The following HLA-B variants were observed in gnomAD, a reference collection of about 807,000 sequenced individuals.
HLA-B encodes major histocompatibility complex, class I, B.
In HLA-B, 31 loss-of-function variants were observed where a neutral mutation model predicts 41.5. The observed-to-expected ratio is 0.75, with a 90% CI of 0.56 to 1.01. The LOEUF is 1.01. Ranked by LOEUF, HLA-B falls within the 50% of genes least tolerant of loss-of-function variation. The pLI, the probability that HLA-B is intolerant of heterozygous loss-of-function variation, is 0.00. For synonymous variants in HLA-B, 138 were observed against 189.0 expected (o/e 0.73, Z 2.21); for missense variants, 369 against 457.2 (o/e 0.81, Z 1.76).
At position 31,354,647 on chromosome 6, in the gene HLA-B, T is replaced by C. The variant is rs369811584; in HGVS notation, c.1031A>G (p.Tyr344Cys). ...RKSSGGKGGS[Y>C]SQAACSDSAQ... ...CCACCACTTACACGCAGCCTGAGAG[T>C]AGCTCCCTCCTTTTCCACCTGTGGG... Residue 344 changes from tyrosine to cysteine, a missense_variant, in exon 6 of 8, where the codon TAC (tyrosine) becomes TGC (cysteine). By Grantham distance (194) the Tyr-to-Cys change is radical (BLOSUM62 -2). Coordinates refer to ENST00000412585, the MANE Select transcript of HLA-B (RefSeq NM_005514.8). 5.3e-5 allele frequency: 74 copies of C among 1,383,414 alleles called. No homozygotes were observed. Among genetic ancestry groups the C allele is most frequent in the South Asian group, 1.1e-4 (9 of 84,636 alleles). 85.7% of individuals were successfully genotyped at this position (1,383,414 alleles called of 1,614,324 possible). A position where few individuals can be genotyped will look rare whatever the true frequency, so the allele number is the denominator to read the frequency against.
In HLA-B at chr6:31,354,619, C is replaced by G. The variant is rs769456945; in HGVS notation, c.1045+14G>C. The G allele has an allele frequency of 5.5e-5, 79 of 1,425,912 alleles. 2 individuals are homozygous for G. Among genetic ancestry groups the G allele is most frequent in the Non-Finnish European group, 7.1e-5 (76 of 1,073,676 alleles). The allele number at this position is 1,425,912 out of a possible 1,614,324, so 88.3% of individuals were successfully genotyped here. On this transcript the variant is annotated intron_variant, in intron 6 of 7. Transcript: ENST00000412585. ...GTGGGTGAGCTCCTCCACACTCCCA[C>G]CCCCACCACTTACACGCAGCCTGAG...
At chr6:31,355,899 AC>A (rs1766910390) in intron 3 of HLA-B, 1 of 601,316 alleles carries the variant, frequency 1.7e-6, no homozygotes, top group Admixed American at 2.8e-5. Context: ...AGGAAAAGTC[AC>A]GGTTCCCAAG....
rs41540116 is a variant in HLA-B at position 31,357,103 on chromosome 6, A to G, written c.56T>C (p.Leu19Pro). Residue 19 changes from leucine (L) to proline (P), a missense_variant, in exon 1 of 8, where the codon CTG (leucine) becomes CCG (proline). Physicochemically the swap from Leu to Pro is moderately conservative, Grantham distance 98. Coordinates refer to ENST00000412585, the MANE Select transcript of HLA-B (RefSeq NM_005514.8). ...VLLLLSAALA[L>P]TETWAGSHSM... ...GCACTCACCGGCCCAGGTCTCGGTCAGGGCCAGGGCCGCCGAGAGCAGCAG... is the reference window on the plus strand; with the variant it reads ...GCACTCACCGGCCCAGGTCTCGGTCGGGGCCAGGGCCGCCGAGAGCAGCAG... The G allele has an allele frequency of 2.2e-6, 2 of 906,422 alleles. No individual in the cohort carries two copies. The highest frequency in any genetic ancestry group is 2.9e-6 in the Non-Finnish European group (2 of 698,022). The allele number at this position is 906,422 out of a possible 1,614,324, so 56.1% of individuals were successfully genotyped here.
intron 7 of HLA-B, 78 bp from the exon 8 acceptor site, chr6:31,354,374 G>A (rs1023670956): frequency 2.8e-5 from 12 of 424,846 alleles, no homozygotes; most frequent in East Asian, 4.8e-5. Context: ...CACCACACAC[G>A]CGAAACATCC....
chr6:31,353,954 C>A lies in HLA-B; in HGVS notation c.*347G>T, dbSNP rs191345591. The A allele has an allele frequency of 3.5e-4, 124 of 351,508 alleles. No homozygotes were observed. Among genetic ancestry groups the A allele is most frequent in the African/African-American group, 2.2e-3 (105 of 48,372 alleles). 21.8% of individuals were successfully genotyped at this position (351,508 alleles called of 1,614,324 possible). ...TAATTAATCCATCAACCTCTCATAG[C>A]AAATATTTGAGAAAACAAATTTATA... On this transcript the variant is annotated 3_prime_UTR_variant, in exon 8 of 8. Transcript: ENST00000412585.
Position 31,355,694 on chromosome 6 carries a change from G to A in HLA-B, c.620-102C>T, listed in dbSNP as rs73731903. 3,281 of 992,668 alleles carry A rather than the reference G, an allele frequency of 3.3e-3. 112 individuals are homozygous for A. The African/African-American group carries it at 0.058, about 18-fold the overall frequency. 61.5% of individuals were successfully genotyped at this position (992,668 alleles called of 1,614,324 possible). A position where few individuals can be genotyped will look rare whatever the true frequency, so the allele number is the denominator to read the frequency against. The stretch of plus-strand genomic sequence containing the variant: ...TGAGAATGGACAGGACACCTGGGGT[G>A]GGGAAGGGGCACAGAACCCAGACAC... On this transcript the variant is annotated intron_variant, in intron 3 of 7. Transcript: ENST00000412585.
At chr6:31,354,365 A>ACACATTCGAAACGTCCCAATCAAAGGAT in intron 7 of HLA-B, 69 bp from the exon 8 acceptor site, 1 of 473,972 alleles carries the variant, frequency 2.1e-6, no homozygotes, top group Non-Finnish European at 3.8e-6. Context: ...TAAACAGCCC[A>ACACATTCGAAACGTCCCAATCAAAGGAT]CCACACACGC....
Position 31,354,244 on chromosome 6 carries a change from G to C in HLA-B, c.*57C>G. On this transcript the variant is annotated 3_prime_UTR_variant, in exon 8 of 8. Transcript: ENST00000412585. ...CCAGAGGCTCTTGAAGTCACAAAGG[G>C]GAGGCGTGAAGAAATCCTGCATCTC... The C allele has an allele frequency of 1.8e-6, 1 of 571,274 alleles. No individual in the cohort carries two copies. The highest frequency in any genetic ancestry group is 3.3e-6 in the Non-Finnish European group (1 of 301,656). 35.4% of individuals were successfully genotyped at this position (571,274 alleles called of 1,614,324 possible).
In HLA-B at chr6:31,355,348, C is replaced by G; in HGVS notation, c.864G>C (p.Glu288Asp). The G allele has an allele frequency of 6.3e-7, 1 of 1,585,172 alleles. No individual in the cohort carries two copies. The highest frequency in any genetic ancestry group is 8.5e-7 in the Non-Finnish European group (1 of 1,172,354). The change falls in exon 4 of 8, where the codon GAG becomes GAC. Residue 288 changes from glutamate to aspartate, a missense_variant. Transcript: ENST00000412585. The stretch of plus-strand genomic sequence containing the variant: ...TCAGGGTGAGGGGCTTCGGCAGCCC[C>G]TCATGCTGTACATGGCATGTGTATC... ...EQRYTCHVQH[E>D]GLPKPLTLRW...
intron 7 of HLA-B, 77 bp from the exon 8 acceptor site, chr6:31,354,373 C>G (rs927448325): frequency 2.4e-6 from 1 of 420,678 alleles, no homozygotes; most frequent in Non-Finnish European, 4.3e-6. Flanking sequence ...CCACCACACA[C>G]GCGAAACATC....
intron 3 of HLA-B, chr6:31,355,906 C>T: frequency 3.4e-6 from 2 of 594,166 alleles, no homozygotes; most frequent in Non-Finnish European, 6.0e-6. Context: ...GTCACGGTTC[C>T]CAAGGCTGCT....
intron 3 of HLA-B, 191 bp from the exon 4 acceptor site, chr6:31,355,783 G>T: frequency 1.5e-6 from 1 of 689,556 alleles, no homozygotes; most frequent in Non-Finnish European, 2.6e-6. Context: ...CTCTGAGCGG[G>T]GAACAGGGAC....
rs41563315 is a variant in HLA-B at position 31,356,834 on chromosome 6, C to G, written c.197G>C (p.Ser66Thr). The G allele has an allele frequency of 8.4e-7, 1 of 1,194,382 alleles. No homozygotes were observed. 74.0% of individuals were successfully genotyped at this position (1,194,382 alleles called of 1,614,324 possible). Residue 66 changes from serine to threonine, a missense_variant, in exon 2 of 8, where the codon AGT (serine) becomes ACT (threonine). Physicochemically the swap from Ser to Thr is moderately conservative, Grantham distance 58 (BLOSUM62 1). This residue lies in a region of HLA-B where 113 missense variants were observed against 173.2 expected (regional missense o/e 0.65). Coordinates refer to ENST00000412585, the MANE Select transcript of HLA-B (RefSeq NM_005514.8). ...CGGCGCCCGCGGCTCCTCTCTCGGACTCGCGGCGTCGCTGTCGAACCTCAC... is the reference window on the plus strand; with the variant it reads ...CGGCGCCCGCGGCTCCTCTCTCGGAGTCGCGGCGTCGCTGTCGAACCTCAC... ...QFVRFDSDAASPREEPRAPWI... is the reference protein window; with the variant it reads ...QFVRFDSDAATPREEPRAPWI...
In HLA-B at chr6:31,354,574, G is replaced by T. The variant is rs41564115; in HGVS notation, c.1046-48C>A. 3.0e-4 allele frequency: 443 copies of T among 1,476,290 alleles called. 1 individual carries two copies. The Middle Eastern group carries it at 5.0e-3, about 17-fold the overall frequency. 91.4% of individuals were successfully genotyped at this position (1,476,290 alleles called of 1,614,324 possible). On this transcript the variant is annotated intron_variant, in intron 6 of 7. Transcript: ENST00000412585. ...CCTGGTCAGAGCCCGCAGGAGACGT[G>T]GGACAGGAGGAATTATGGGGTGGGT...
intron 7 of HLA-B, 28 bp downstream of exon 7, chr6:31,354,451 C>G: frequency 1.3e-6 from 1 of 744,808 alleles, no homozygotes; most frequent in Non-Finnish European, 1.9e-6. Context: ...CCCGCCACCC[C>G]ACCCACTCTA....
In HLA-B at chr6:31,354,087, G is replaced by A. The variant is rs763249433; in HGVS notation, c.*214C>T. ...CCCACCTCTCTGGAACAAGAAAGAT[G>A]ACTGGGGAGGAAACACAGGTCAGCA... On this transcript the variant is annotated 3_prime_UTR_variant, in exon 8 of 8. Transcript: ENST00000412585. The A allele has an allele frequency of 1.9e-4, 85 of 447,066 alleles. No homozygotes were observed. Among genetic ancestry groups the A allele is most frequent in the Non-Finnish European group, 3.1e-4 (70 of 229,388 alleles). The allele number at this position is 447,066 out of a possible 1,614,324, so 27.7% of individuals were successfully genotyped here.
In HLA-B at chr6:31,355,508, G is replaced by C. The variant is rs41553413; in HGVS notation, c.704C>G (p.Ala235Gly). The part of the protein sequence containing the change: ...LRCWALGFYP[A>G]EITLTWQRDG... Reference sequence around the variant, plus strand: ...CCGCTGCCAGGTCAGTGTGATCTCCGCAGGGTAGAAACCCAGGGCCCAGCA... The same window carrying C: ...CCGCTGCCAGGTCAGTGTGATCTCCCCAGGGTAGAAACCCAGGGCCCAGCA... Residue 235 changes from alanine to glycine, a missense_variant, in exon 4 of 8, where the codon GCG becomes GGG. Ala to Gly is a moderately conservative substitution (Grantham distance 60, BLOSUM62 0). Coordinates refer to ENST00000412585, the MANE Select transcript of HLA-B (RefSeq NM_005514.8). 6.2e-4 allele frequency: 928 copies of C among 1,506,836 alleles called. 22 individuals are homozygous for C. In the East Asian group the frequency reaches 0.011, roughly 18 times the overall value. 93.3% of individuals were successfully genotyped at this position (1,506,836 alleles called of 1,614,324 possible).
At chr6:31,356,128 C>G (rs1562166727) in intron 3 of HLA-B, 39 bp downstream of exon 3, 1 of 1,325,210 alleles carries the variant, frequency 7.5e-7, no homozygotes, top group Non-Finnish European at 9.8e-7. Context: ...CCCCGGCGAC[C>G]TATAGGAGAT....
At chr6:31,354,457 C>T (rs1562161169) in intron 7 of HLA-B, 22 bp downstream of exon 7, 1 of 958,164 alleles carries the variant, frequency 1.0e-6, no homozygotes, top group Non-Finnish European at 1.4e-6. Context: ...ACCCCACCCA[C>T]TCTAGACCCC....
Sources: allele counts gnomAD v4.1 joint callset, GRCh38; gene constraint gnomAD v4.1.1; regional missense constraint gnomAD v4.1.1; transcripts MANE v1.5; gene names NCBI Gene and HGNC (gene_info 2026-07-23, HGNC 2026-07-21).